ITPK1: variants seen among roughly 807,000 people sequenced by gnomAD.
ITPK1 encodes the protein inositol 1,3,4-trisphosphate 5/6-kinase.
A neutral mutation model predicts 45.3 loss-of-function variants in ITPK1; 21 were observed. The observed-to-expected ratio is 0.46, with a 90% CI of 0.33 to 0.67. ITPK1 has a LOEUF of 0.67. Ranked by LOEUF, ITPK1 falls within the 30% of genes least tolerant of loss-of-function variation. ITPK1 has a pLI of 0.02. For synonymous variants in ITPK1, 258 were observed against 253.6 expected (o/e 1.02, Z -0.16); for missense variants, 474 against 573.5 (o/e 0.83, Z 1.77).
At chr14:93,066,252 G>A (rs746879475) in intron 3 of ITPK1, 3 of 455,842 alleles carry the variant, frequency 6.6e-6, no homozygotes, top group Non-Finnish European at 4.4e-6. Flanking sequence ...CCCAGCCTCA[G>A]GAGGACACAC....
intron 3 of ITPK1, chr14:93,070,639 G>C (rs1334049473): frequency 6.6e-6 from 1 of 152,314 alleles, no homozygotes; most frequent in African/African-American, 2.4e-5. Flanking sequence ...CCACTAACCA[G>C]ACTCGTCTTC....
intron 3 of ITPK1, among the ~76,000 whole-genome samples, chr14:93,026,437 A>C (rs112404533): frequency 8.1e-4 from 123 of 152,398 alleles, no homozygotes; most frequent in African/African-American, 2.8e-3. Context: ...TGCAAATTAC[A>C]ACTACATTAT....
intron 5 of ITPK1, among the ~76,000 whole-genome samples, chr14:92,989,589 A>G (rs1029292101): frequency 2.0e-5 from 3 of 152,192 alleles, no homozygotes; most frequent in African/African-American, 7.2e-5. Flanking sequence ...TGGGGCTTCC[A>G]TCTCTGGACC....
Position 92,972,472 on chromosome 14 carries a change from C to T in ITPK1, c.365-9623G>A, listed in dbSNP as rs114338091. Among the ~76,000 whole-genome samples, 980 of 152,310 alleles carry T rather than the reference C, an allele frequency of 6.4e-3. 13 individuals carry two copies. The highest frequency in any genetic ancestry group is 0.023 in the African/African-American group (940 of 41,562). On this transcript the variant is annotated intron_variant, in intron 5 of 10. Coordinates refer to ENST00000267615, the MANE Select transcript of ITPK1 (RefSeq NM_014216.6). ...CCTCAGAAGAAGCTAACTCTGCCAA[C>T]ACTAAGATCTGAGACTTCTGCCTCC... is the stretch of plus-strand genomic sequence containing the variant.
intron 4 of ITPK1, among the ~76,000 whole-genome samples, chr14:92,998,058 A>G (rs1202574914): frequency 1.3e-5 from 2 of 152,254 alleles, no homozygotes; most frequent in African/African-American, 2.4e-5. Context: ...AAATGCTGTC[A>G]GAGTCCTGAG....
chr14:93,092,349 G>A (rs974403875), intron 2 of ITPK1, among the ~76,000 whole-genome samples: 2 of 152,146 alleles, frequency 1.3e-5, no homozygotes, highest in East Asian at 1.9e-4. Flanking sequence ...AGGTCCTTAC[G>A]GCACCACGGA....
In ITPK1 at chr14:92,939,678, C is replaced by A. The variant is rs367917032; in HGVS notation, c.*1883G>T. 95 of 985,348 alleles carry A rather than the reference C, an allele frequency of 9.6e-5. No individual in the cohort carries two copies. The South Asian group carries it at 4.0e-3, about 42-fold the overall frequency. The allele number at this position is 985,348 out of a possible 1,614,324, so 61.0% of individuals were successfully genotyped here. On this transcript the variant is annotated 3_prime_UTR_variant, in exon 11 of 11. Coordinates refer to ENST00000267615, the MANE Select transcript of ITPK1 (RefSeq NM_014216.6). ...GTATCTGGGCCCTGGACGCGCAAGA[C>A]CCCGGAGGCCACAAACGGTACAGGA...
chr14:92,960,880 G>A (rs1034200102), intron 7 of ITPK1, among the ~76,000 whole-genome samples: 5 of 152,222 alleles, frequency 3.3e-5, no homozygotes, highest in Admixed American at 6.5e-5. Context: ...GGTAGGCTGC[G>A]GCAGGAGGGC....
chr14:92,994,504 C>T (rs977293571), intron 4 of ITPK1, among the ~76,000 whole-genome samples: 4 of 152,230 alleles, frequency 2.6e-5, no homozygotes, highest in Non-Finnish European at 4.4e-5. Context: ...GGGGTAGGCA[C>T]GAAGGAAATG....
chr14:93,072,731 C>T (rs1891072563), intron 3 of ITPK1, among the ~76,000 whole-genome samples: 2 of 151,942 alleles, frequency 1.3e-5, no homozygotes, highest in African/African-American at 4.8e-5. Flanking sequence ...CCTCCCACCT[C>T]AGCCCCAAGC....
intron 7 of ITPK1, among the ~76,000 whole-genome samples, chr14:92,961,180 T>G (rs1001651200): frequency 6.6e-6 from 1 of 152,224 alleles, no homozygotes; most frequent in African/African-American, 2.4e-5. Flanking sequence ...GTCAGATGCC[T>G]GTTGCCCAGC....
intron 9 of ITPK1, among the ~76,000 whole-genome samples, chr14:92,947,792 G>A (rs117355620): frequency 2.0e-5 from 3 of 152,162 alleles, no homozygotes; most frequent in African/African-American, 7.2e-5. Context: ...GCTGATCCAT[G>A]AAAGACAAAA....
intron 8 of ITPK1, among the ~76,000 whole-genome samples, chr14:92,956,490 C>G (rs181858767): frequency 3.3e-5 from 5 of 152,218 alleles, no homozygotes; most frequent in African/African-American, 1.2e-4. Context: ...AGAAGACACA[C>G]AGGCAAGGAG....
intron 5 of ITPK1, among the ~76,000 whole-genome samples, chr14:92,990,161 A>T (rs1340695913): frequency 1.3e-5 from 2 of 152,228 alleles, no homozygotes; most frequent in East Asian, 3.8e-4. Flanking sequence ...CTTGCAGCTT[A>T]GGATGTGACT....
rs8006516 is a variant in ITPK1, at chr14:92,938,392, C to T, written c.*3169G>A. ...TGGTCTTCCAGGCTAGAAGGACAAA[C>T]GACAGGCTGGCTCCCTTGGTCTTGG... On this transcript the variant is annotated 3_prime_UTR_variant, in exon 11 of 11. Coordinates refer to ENST00000267615, the MANE Select transcript of ITPK1 (RefSeq NM_014216.6). 71,208 of 1,008,878 alleles carry T rather than the reference C, an allele frequency of 0.071. 2,811 individuals are homozygous for T. Among genetic ancestry groups the T allele is most frequent in the Middle Eastern group, 0.12 (594 of 4,880 alleles). 62.5% of individuals were successfully genotyped at this position (1,008,878 alleles called of 1,614,324 possible).
At chr14:93,030,468 T>C (rs1008528438) in intron 3 of ITPK1, among the ~76,000 whole-genome samples, 5 of 152,230 alleles carry the variant, frequency 3.3e-5, no homozygotes, top group Non-Finnish European at 5.9e-5. Flanking sequence ...CACTCATTCA[T>C]TGAGTAATTA....
intron 5 of ITPK1, among the ~76,000 whole-genome samples, chr14:92,971,504 G>A (rs566666336): frequency 4.6e-5 from 7 of 152,316 alleles, no homozygotes; most frequent in South Asian, 2.1e-4. Context: ...TGAAAAACTC[G>A]CCGTACTATT....
At chr14:92,999,744 T>C (rs796737972) in intron 4 of ITPK1, among the ~76,000 whole-genome samples, 5 of 152,344 alleles carry the variant, frequency 3.3e-5, no homozygotes, top group African/African-American at 1.2e-4. Flanking sequence ...TCCTACCTCA[T>C]AGGATTTTTA....
intron 5 of ITPK1, among the ~76,000 whole-genome samples, chr14:92,973,916 G>C (rs755483111): frequency 8.5e-5 from 13 of 152,212 alleles, no homozygotes; most frequent in Non-Finnish European, 1.8e-4. Flanking sequence ...CACGTGGCCT[G>C]GCTGGAGGGC....
Sources: gnomAD v4.1 joint callset for allele counts (sites outside exome capture counted in the v4.1 genomes callset) on GRCh38, gnomAD v4.1.1 for gene constraint, MANE v1.5 for transcripts, NCBI Gene and HGNC (gene_info 2026-07-23, HGNC 2026-07-21) for gene names.